MMP26: variants seen among roughly 807,000 people sequenced by gnomAD.
The protein encoded by MMP26 is matrix metallopeptidase 26, also known as matrix metalloproteinase-26.
MMP26 carries 33 observed loss-of-function variants against 31.0 expected under a neutral mutation model. That is an observed-to-expected ratio of 1.06 (90% CI 0.81 to 1.42). The LOEUF is 1.42. Ranked by LOEUF, MMP26 falls within the 40% of genes most tolerant of loss-of-function variation. The probability of loss-of-function intolerance (pLI) is 0.00; values close to 1 mark genes in which losing one functional copy is unlikely to be tolerated. For missense variants in MMP26, 347 were observed against 316.1 expected (o/e 1.10, Z -0.74); for synonymous variants, 122 against 114.9 (o/e 1.06, Z -0.40).
intron 2 of MMP26, among the ~76,000 whole-genome samples, chr11:4,834,794 A>G (rs547297736): frequency 6.6e-6 from 1 of 152,326 alleles, no homozygotes; most frequent in South Asian, 2.1e-4. Flanking sequence ...TTCTCCATAC[A>G]TTCCAGGGAT....
chr11:4,936,146 G>A (rs945622732), intron 2 of MMP26, among the ~76,000 whole-genome samples: 58 of 148,540 alleles, frequency 3.9e-4, no homozygotes, highest in African/African-American at 1.2e-3. Context: ...AGTTTCAGAA[G>A]GAATGGTACC....
chr11:4,957,504 T>C (rs1007708137), intron 2 of MMP26, among the ~76,000 whole-genome samples: 4 of 152,142 alleles, frequency 2.6e-5, no homozygotes, highest in Non-Finnish European at 4.4e-5. Context: ...AACTTTTTTT[T>C]ATTCCTTTCG....
chr11:4,865,745 G>T (rs1307810374), intron 2 of MMP26, among the ~76,000 whole-genome samples: 2 of 151,940 alleles, frequency 1.3e-5, no homozygotes. Flanking sequence ...GACTTCAAGT[G>T]GAAAGAAAAA....
intron 1 of MMP26, among the ~76,000 whole-genome samples, chr11:4,708,638 C>T (rs1847815157): frequency 6.6e-6 from 1 of 152,124 alleles, no homozygotes; most frequent in Non-Finnish European, 1.5e-5. Context: ...TGTCAGAAAA[C>T]TTAAGACAAG....
chr11:4,845,922 A>G (rs1321512697), intron 2 of MMP26, among the ~76,000 whole-genome samples: 1 of 152,154 alleles, frequency 6.6e-6, no homozygotes, highest in African/African-American at 2.4e-5. Context: ...AAAATGGCTG[A>G]TATCCAAAAG....
chr11:4,881,810 GT>G, intron 2 of MMP26: 1 of 1,142,830 alleles, frequency 8.8e-7, no homozygotes, highest in Non-Finnish European at 1.3e-6. Flanking sequence ...ATTTAAAATT[GT>G]ATATAAAATG....
At chr11:4,816,120 T>C (rs1564916420) in intron 2 of MMP26, among the ~76,000 whole-genome samples, 1 of 152,250 alleles carries the variant, frequency 6.6e-6, no homozygotes, top group East Asian at 1.9e-4. Context: ...GTTGATTTTT[T>C]ATCAACCTGT....
chr11:4,824,262 A>C (rs1849552129), intron 2 of MMP26, among the ~76,000 whole-genome samples: 1 of 152,088 alleles, frequency 6.6e-6, no homozygotes, highest in Admixed American at 6.6e-5. Flanking sequence ...TCTATTGCAA[A>C]TGTATGCTGG....
At chr11:4,712,970 ATAG>A (rs1476315379) in intron 1 of MMP26, among the ~76,000 whole-genome samples, 1 of 152,084 alleles carries the variant, frequency 6.6e-6, no homozygotes, top group East Asian at 1.9e-4. Flanking sequence ...AATGCTGAAA[ATAG>A]TAGTCTGGTT....
At chr11:4,727,533 G>C (rs1210350958) in intron 1 of MMP26, among the ~76,000 whole-genome samples, 1 of 152,096 alleles carries the variant, frequency 6.6e-6, no homozygotes, top group African/African-American at 2.4e-5. Context: ...TACTTGGCTG[G>C]GCACGGTGGC....
At chr11:4,964,884 A>T (rs1240191782) in intron 2 of MMP26, among the ~76,000 whole-genome samples, 1 of 152,174 alleles carries the variant, frequency 6.6e-6, no homozygotes, top group African/African-American at 2.4e-5. Context: ...ACATGGACAC[A>T]TGCAGGGGAA....
intron 2 of MMP26, among the ~76,000 whole-genome samples, chr11:4,982,452 G>A (rs1383405742): frequency 6.6e-6 from 1 of 152,160 alleles, no homozygotes; most frequent in East Asian, 1.9e-4. Context: ...ACATGTTTAC[G>A]TCTGCCTGTA....
At chr11:4,911,582 C>T (rs1190263396) in intron 2 of MMP26, among the ~76,000 whole-genome samples, 1 of 152,184 alleles carries the variant, frequency 6.6e-6, no homozygotes, top group Admixed American at 6.6e-5. Flanking sequence ...TCCTAGAACA[C>T]TCAGGTTCAT....
intron 2 of MMP26, chr11:4,847,620 ATG>A (rs930153395): frequency 4.9e-4 from 74 of 152,384 alleles, no homozygotes; most frequent in African/African-American, 1.7e-3. Flanking sequence ...CAATATACAT[ATG>A]TATTCAAAAA....
rs1405311651 is a variant in MMP26, at chr11:4,914,958, T to C, written c.-144-73110T>C. ...TTAAGGGCCTTGAATCTCTCAGCCCTGGAGGCGATGGACAGCACGGTGCGC... is the reference window on the plus strand; with the variant it reads ...TTAAGGGCCTTGAATCTCTCAGCCCCGGAGGCGATGGACAGCACGGTGCGC... On this transcript the variant is annotated intron_variant, in intron 2 of 7. Coordinates refer to ENST00000380390, the MANE Select transcript of MMP26 (RefSeq NM_021801.5). 2 of 1,613,952 alleles carry C rather than the reference T, an allele frequency of 1.2e-6. No homozygotes were observed. Among genetic ancestry groups the C allele is most frequent in the Non-Finnish European group, 1.7e-6 (2 of 1,180,016 alleles).
intron 2 of MMP26, among the ~76,000 whole-genome samples, chr11:4,842,776 A>G (rs1228367000): frequency 6.6e-6 from 1 of 152,166 alleles, no homozygotes; most frequent in Admixed American, 6.5e-5. Context: ...TCATTCCAGC[A>G]TTAACTCAAA....
At chr11:4,838,639 G>A (rs1408074755) in intron 2 of MMP26, among the ~76,000 whole-genome samples, 3 of 152,086 alleles carry the variant, frequency 2.0e-5, no homozygotes, top group Non-Finnish European at 2.9e-5. Flanking sequence ...TCATTTGAAT[G>A]AATTAAATCC....
intron 2 of MMP26, among the ~76,000 whole-genome samples, chr11:4,963,834 C>T (rs750196840): frequency 4.6e-5 from 7 of 151,862 alleles, no homozygotes; most frequent in Admixed American, 6.6e-5. Context: ...GGCATCTCAT[C>T]GTGGTTTTGA....
At chr11:4,763,907 G>T (rs1391222632) in intron 1 of MMP26, among the ~76,000 whole-genome samples, 1 of 152,064 alleles carries the variant, frequency 6.6e-6, no homozygotes, top group East Asian at 1.9e-4. Context: ...TATTAAATTT[G>T]ATTCCTAAAA....
Sources: gnomAD v4.1 joint callset for allele counts (sites outside exome capture counted in the v4.1 genomes callset) on GRCh38, gnomAD v4.1.1 for gene constraint, MANE v1.5 for transcripts, NCBI Gene and HGNC (gene_info 2026-07-23, HGNC 2026-07-21) for gene names.